The following VASH2 variants were observed in gnomAD, a reference collection of about 807,000 sequenced individuals.
VASH2 encodes the protein tubulinyl-Tyr carboxypeptidase 2.
VASH2 carries 28 observed loss-of-function variants against 37.2 expected under a neutral mutation model. The observed-to-expected ratio is 0.75, with a 90% CI of 0.56 to 1.03. The LOEUF (loss-of-function observed/expected upper bound fraction) is 1.03. VASH2 is among the 50% of genes least tolerant of loss of function. The pLI is 0.00. For missense variants in VASH2, 419 were observed against 459.1 expected, an observed-to-expected ratio of 0.91 and a Z score of 0.80; for synonymous variants, 188 against 174.7, an observed-to-expected ratio of 1.08 and a Z score of -0.60.
At chr1:212,954,824 G>A (rs144851192) in intron 2 of VASH2, among the ~76,000 whole-genome samples, 2 of 152,306 alleles carry the variant, frequency 1.3e-5, no homozygotes, top group African/African-American at 2.4e-5. Flanking sequence ...CCCAAATGTG[G>A]ACAGTCAGCT....
chr1:212,977,745 G>A (rs1295774440), intron 7 of VASH2, among the ~76,000 whole-genome samples: 8 of 152,148 alleles, frequency 5.3e-5, no homozygotes, highest in African/African-American at 1.7e-4. Context: ...TCACCTGGAG[G>A]GTTTGTTGAA....
intron 2 of VASH2, chr1:212,952,410 C>A (rs1385322103): frequency 6.6e-6 from 1 of 151,704 alleles, no homozygotes; most frequent in East Asian, 1.9e-4. Context: ...AAACGGTGAA[C>A]TCTCTCTCTC....
intron 5 of VASH2, among the ~76,000 whole-genome samples, chr1:212,972,299 C>T (rs1335664486): frequency 6.6e-6 from 1 of 152,076 alleles, no homozygotes; most frequent in African/African-American, 2.4e-5. Flanking sequence ...GGAAAAAGTG[C>T]CTTGTTATTG....
chr1:212,972,877 G>A lies in VASH2; in HGVS notation c.795G>A (p.Lys265=), dbSNP rs1293529039. The A allele has an allele frequency of 5.6e-6, 9 of 1,614,204 alleles. No homozygotes were observed. Among genetic ancestry groups the A allele is most frequent in the Non-Finnish European group, 7.6e-6 (9 of 1,180,040 alleles). Residue 265 remains lysine (K), a synonymous_variant, in exon 6 of 8, where the codon AAG becomes AAA. Transcript: ENST00000517399. The part of the protein sequence containing the change: ...EPHSFQPIEW[K]QLVLNVSKML... ...ATAGCTTCCAGCCCATTGAGTGGAA[G>A]CAGCTGGTCCTCAACGTCTCAAAGA... is the stretch of plus-strand genomic sequence containing the variant.
intron 7 of VASH2, among the ~76,000 whole-genome samples, chr1:212,982,532 G>A (rs973018617): frequency 2.6e-5 from 4 of 152,120 alleles, no homozygotes; most frequent in African/African-American, 9.7e-5. Context: ...TTAGAGCTGG[G>A]GGAGCACTTG....
chr1:212,961,696 G>T (rs1407148693), intron 3 of VASH2, among the ~76,000 whole-genome samples: 1 of 152,206 alleles, frequency 6.6e-6, no homozygotes, highest in East Asian at 1.9e-4. Flanking sequence ...TCCACCTCCT[G>T]GGTGCAAGTG....
intron 5 of VASH2, chr1:212,967,166 T>C (rs1361016149): frequency 1.5e-6 from 2 of 1,304,334 alleles, no homozygotes; most frequent in Non-Finnish European, 2.0e-6. Flanking sequence ...TGTTCCATTT[T>C]TCACCAGACT....
intron 7 of VASH2, 109 bp downstream of exon 7, chr1:212,974,179 C>T: frequency 7.4e-7 from 1 of 1,347,380 alleles, no homozygotes; most frequent in Non-Finnish European, 9.8e-7. Flanking sequence ...TTGAACCTGA[C>T]AGCAATCTCC....
chr1:212,951,579 C>A lies in VASH2; in HGVS notation c.37C>A (p.His13Asn). 1 of 1,543,124 alleles carries A rather than the reference C, an allele frequency of 6.5e-7. No individual in the cohort carries two copies. The highest frequency in any genetic ancestry group is 8.7e-7 in the Non-Finnish European group (1 of 1,144,170). ...GSAADTHRCP[H>N]PKGAKGTRSR... ...CGCGGCCGACACTCACCGCTGCCCC[C>A]ACCCCAAAGGCGCCAAAGGCACCCG... Residue 13 changes from histidine (H) to asparagine (N), a missense_variant, in exon 2 of 8, where the codon CAC (histidine) becomes AAC (asparagine). Physicochemically the swap from His to Asn is moderately conservative, Grantham distance 68. Around this residue, in one of 3 missense-constraint regions of VASH2, gnomAD observed 158 missense variants for 163.0 expected, o/e 0.97. Transcript: ENST00000517399. The surrounding 1 kb of genome is among the most constrained non-coding windows in gnomAD (Gnocchi z 4.4).
chr1:212,973,567 A>T, intron 6 of VASH2: 1 of 1,274,526 alleles, frequency 7.8e-7, no homozygotes, highest in South Asian at 1.3e-5. Flanking sequence ...TATGTGTGGG[A>T]TGGGAGCATC....
rs1477589818 is a variant in VASH2, at chr1:212,973,801, T to TCTCCAGC, written c.880-149_880-143dup. ...ACAGGACGAGAGAGGAATGTGTGTG[T>TCTCCAGC]CTCCAGCCTCCTTTTTTAGAAGTCT... On this transcript the variant is annotated intron_variant, in intron 6 of 7. Transcript: ENST00000517399. 8 of 1,412,240 alleles carry TCTCCAGC rather than the reference T, an allele frequency of 5.7e-6. 1 individual carries two copies. The Middle Eastern group carries it at 7.7e-4, about 136-fold the overall frequency. 87.5% of individuals were successfully genotyped at this position (1,412,240 alleles called of 1,614,324 possible). A position where few individuals can be genotyped will look rare whatever the true frequency, so the allele number is the denominator to read the frequency against.
intron 7 of VASH2, among the ~76,000 whole-genome samples, chr1:212,977,326 A>G (rs1667207544): frequency 6.6e-6 from 1 of 152,170 alleles, no homozygotes; most frequent in Non-Finnish European, 1.5e-5. Flanking sequence ...GGGGACTTAG[A>G]GCAGATTATT....
chr1:212,971,947 C>T lies in VASH2; in HGVS notation c.498-633C>T, dbSNP rs1468400710. Among the ~76,000 whole-genome samples the T allele has an allele frequency of 6.6e-6, 1 of 152,178 alleles. No homozygotes were observed. The highest frequency in any genetic ancestry group is 1.5e-5 in the Non-Finnish European group (1 of 68,024). On this transcript the variant is annotated intron_variant, in intron 5 of 7. Transcript: ENST00000517399. This position sits in a 1 kb window ranked among gnomAD's most constrained non-coding sequence, Gnocchi z 4.0. ...ACACAACCCCCGCCCTCACAAGATA[C>T]AAACAATTACAGTACAGGATGGGTA... is the stretch of plus-strand genomic sequence containing the variant.
intron 7 of VASH2, among the ~76,000 whole-genome samples, chr1:212,979,952 G>A (rs1667293035): frequency 6.6e-6 from 1 of 152,230 alleles, no homozygotes; most frequent in Non-Finnish European, 1.5e-5. Context: ...TCACTAAGGG[G>A]TGTTCCCAGG....
In VASH2 at chr1:212,966,093, C is replaced by T. The variant is rs116486072; in HGVS notation, c.423-178C>T. The T allele has an allele frequency of 2.7e-3, 1,684 of 625,844 alleles. 24 individuals carry two copies. The highest frequency in any genetic ancestry group is 0.023 in the African/African-American group (1,260 of 54,692). The allele number at this position is 625,844 out of a possible 1,614,324, so 38.8% of individuals were successfully genotyped here. Reference sequence around the variant, plus strand: ...GGGAGGGTGCTATGGAGTACTGGCACTAACTCCAGGAATTAACTCTTGTGC... The same window carrying T: ...GGGAGGGTGCTATGGAGTACTGGCATTAACTCCAGGAATTAACTCTTGTGC... On this transcript the variant is annotated intron_variant, in intron 4 of 7. Transcript: ENST00000517399.
Position 212,966,265 on chromosome 1 carries a change from C to G in VASH2, c.423-6C>G. On this transcript the variant is annotated splice_region_variant and splice_polypyrimidine_tract_variant and intron_variant, in intron 4 of 7. Coordinates refer to ENST00000517399, the MANE Select transcript of VASH2 (RefSeq NM_001301056.2). ...CTGAGATCCTCTGCTGTGCTCTATC[C>G]TACAGGTTAATGGAAACAGCAAAAG... 6.4e-7 allele frequency: 1 copy of G among 1,551,438 alleles called. No homozygotes were observed. Among genetic ancestry groups the G allele is most frequent in the Non-Finnish European group, 8.7e-7 (1 of 1,146,806 alleles).
chr1:212,964,549 T>G (rs1446677840), intron 3 of VASH2, among the ~76,000 whole-genome samples: 2 of 152,166 alleles, frequency 1.3e-5, no homozygotes, highest in Non-Finnish European at 2.9e-5. Flanking sequence ...ACTCTCCATC[T>G]CCTTCAGAAC....
chr1:212,979,479 G>A (rs186819463), intron 7 of VASH2, among the ~76,000 whole-genome samples: 157 of 152,280 alleles, frequency 1.0e-3, no homozygotes, highest in African/African-American at 2.6e-3. Context: ...CATAACAGGC[G>A]AGAGGCCCAT....
intron 4 of VASH2, 176 bp from the exon 5 acceptor site, chr1:212,966,095 A>G (rs1180239354): frequency 3.2e-6 from 2 of 626,294 alleles, no homozygotes; most frequent in East Asian, 5.5e-5. Context: ...TACTGGCACT[A>G]ACTCCAGGAA....
Sources: allele counts gnomAD v4.1 joint callset (sites outside exome capture counted in the v4.1 genomes callset), GRCh38; gene constraint gnomAD v4.1.1; regional missense constraint gnomAD v4.1.1; non-coding constraint Gnocchi (gnomAD v3.1); transcripts MANE v1.5; gene names NCBI Gene and HGNC (gene_info 2026-07-23, HGNC 2026-07-21).